The following CLYBL variants were observed in gnomAD, a reference collection of about 807,000 sequenced individuals.
CLYBL encodes the protein citramalyl-CoA lyase, mitochondrial.
In CLYBL, 31 loss-of-function variants were observed where a neutral mutation model predicts 38.9. That is an observed-to-expected ratio of 0.80 (90% CI 0.60 to 1.08). The LOEUF (loss-of-function observed/expected upper bound fraction) is 1.08, where lower values mean the gene tolerates loss of function less well. Ranked by LOEUF, CLYBL falls within the 50% of genes least tolerant of loss-of-function variation. CLYBL has a pLI of 0.00. For missense variants in CLYBL, 434 were observed against 411.6 expected, an observed-to-expected ratio of 1.05 and a Z score of -0.47; for synonymous variants, 171 against 158.6, an observed-to-expected ratio of 1.08 and a Z score of -0.59.
chr13:99,784,780 C>A (rs2049748839), intron 2 of CLYBL, among the ~76,000 whole-genome samples: 1 of 151,880 alleles, frequency 6.6e-6, no homozygotes, highest in South Asian at 2.1e-4. Flanking sequence ...TTTACTGAGC[C>A]CAAAAATGCA....
chr13:99,882,917 G>A (rs1256822123), intron 7 of CLYBL, among the ~76,000 whole-genome samples: 1 of 151,948 alleles, frequency 6.6e-6, no homozygotes, highest in Non-Finnish European at 1.5e-5. Context: ...AGAAAGCTGT[G>A]CCAGACAATC....
chr13:99,771,223 T>G (rs992189766), intron 1 of CLYBL, among the ~76,000 whole-genome samples: 2 of 152,082 alleles, frequency 1.3e-5, no homozygotes, highest in African/African-American at 4.8e-5. Context: ...TTGAGTTTTT[T>G]TCCTGATAGA....
At chr13:99,632,413 A>G (rs753263025) in intron 1 of CLYBL, among the ~76,000 whole-genome samples, 1 of 152,254 alleles carries the variant, frequency 6.6e-6, no homozygotes, top group Non-Finnish European at 1.5e-5. Context: ...TGGAATCTCT[A>G]TAACATATCG....
chr13:99,636,903 C>T (rs951901456), intron 1 of CLYBL, among the ~76,000 whole-genome samples: 1 of 151,876 alleles, frequency 6.6e-6, no homozygotes, highest in Admixed American at 6.6e-5. Flanking sequence ...TTTTTTTAGA[C>T]TTACTCTCTC....
At chr13:99,761,412 AG>A (rs773409362) in intron 1 of CLYBL, among the ~76,000 whole-genome samples, 10 of 152,220 alleles carry the variant, frequency 6.6e-5, no homozygotes, top group Non-Finnish European at 8.8e-5. Context: ...CCCACATATG[AG>A]TGACAACATG....
At chr13:99,844,005 AC>A (rs1392625940) in intron 2 of CLYBL, among the ~76,000 whole-genome samples, 1 of 152,222 alleles carries the variant, frequency 6.6e-6, no homozygotes, top group Admixed American at 6.5e-5. Flanking sequence ...ATAAACAGAT[AC>A]CCTGCCTGTG....
chr13:99,898,055 C>T (rs193027775), downstream of CLYBL, among the ~76,000 whole-genome samples: 30 of 152,218 alleles, frequency 2.0e-4, no homozygotes, highest in Middle Eastern at 3.4e-3. Flanking sequence ...GGAGTTGATA[C>T]GCTGAAAACT....
intron 1 of CLYBL, among the ~76,000 whole-genome samples, chr13:99,755,734 G>C (rs754709629): frequency 1.3e-5 from 2 of 152,182 alleles, no homozygotes; most frequent in Non-Finnish European, 2.9e-5. Flanking sequence ...CCCAGAGGGT[G>C]AGTGGGAAGT....
intron 2 of CLYBL, among the ~76,000 whole-genome samples, chr13:99,797,151 A>G (rs1026408082): frequency 7.2e-5 from 11 of 152,204 alleles, no homozygotes; most frequent in African/African-American, 2.7e-4. Flanking sequence ...TTTGGGAGTT[A>G]TATAGAGTTC....
At chr13:99,620,634 A>G (rs895888139) in intron 1 of CLYBL, among the ~76,000 whole-genome samples, 1 of 151,990 alleles carries the variant, frequency 6.6e-6, no homozygotes, top group African/African-American at 2.4e-5. Context: ...AAATTAGCTG[A>G]ACGTGGTGGT....
chr13:99,667,020 A>G (rs909994864), intron 1 of CLYBL, among the ~76,000 whole-genome samples: 3 of 152,188 alleles, frequency 2.0e-5, no homozygotes, highest in Non-Finnish European at 4.4e-5. Context: ...TACACACTGA[A>G]GACACGTTAG....
chr13:99,740,855 G>GGGGCTGCTCCTGGCAGCCTGTGAT (rs879362540), intron 1 of CLYBL, among the ~76,000 whole-genome samples: 3 of 152,150 alleles, frequency 2.0e-5, no homozygotes, highest in Non-Finnish European at 4.4e-5. Context: ...ACCCAGTTGT[G>GGGGCTGCTCCTGGCAGCCTGTGAT]GGGCTGCTCC....
At chr13:99,757,257 G>A (rs1219468164) in intron 1 of CLYBL, among the ~76,000 whole-genome samples, 2 of 151,964 alleles carry the variant, frequency 1.3e-5, no homozygotes, top group Non-Finnish European at 2.9e-5. Context: ...TTTTTTTCAA[G>A]TTTGTGGAAA....
chr13:99,767,407 T>C (rs950293722), intron 1 of CLYBL, among the ~76,000 whole-genome samples: 2 of 152,238 alleles, frequency 1.3e-5, no homozygotes, highest in Admixed American at 6.5e-5. Flanking sequence ...GAAAGTTTGA[T>C]TTTAGTGTGT....
At chr13:99,824,179 C>T (rs180700934) in intron 2 of CLYBL, among the ~76,000 whole-genome samples, 89 of 152,134 alleles carry the variant, frequency 5.9e-4, no homozygotes, top group African/African-American at 1.7e-3. Context: ...CAAGAGATTC[C>T]GGAATGGTTG....
chr13:99,748,296 C>G (rs1420930907), intron 1 of CLYBL, among the ~76,000 whole-genome samples: 2 of 151,898 alleles, frequency 1.3e-5, no homozygotes, highest in Non-Finnish European at 2.9e-5. Context: ...GGGAGAATCT[C>G]TTGAACCTGA....
chr13:99,718,295 C>T (rs1366730909), intron 1 of CLYBL, among the ~76,000 whole-genome samples: 1 of 151,530 alleles, frequency 6.6e-6, no homozygotes, highest in African/African-American at 2.4e-5. Context: ...GTAGCCTGTC[C>T]GGACCAGGTG....
At chr13:99,867,265 A>G (rs2051770912) in intron 6 of CLYBL, among the ~76,000 whole-genome samples, 2 of 152,212 alleles carry the variant, frequency 1.3e-5, no homozygotes, top group Admixed American at 6.5e-5. Context: ...TTAGGAAAAG[A>G]GACGAGCATC....
chr13:99,886,090 C>T (rs948749719), intron 7 of CLYBL, among the ~76,000 whole-genome samples: 22 of 152,158 alleles, frequency 1.4e-4, no homozygotes, highest in African/African-American at 5.1e-4. Flanking sequence ...GGACTCTAGC[C>T]GCTGTATTCA....
Sources: allele counts gnomAD v4.1 joint callset (sites outside exome capture counted in the v4.1 genomes callset), GRCh38; gene constraint gnomAD v4.1.1; transcripts MANE v1.5; gene names NCBI Gene and HGNC (gene_info 2026-07-23, HGNC 2026-07-21).